The following KIAA2012 variants were observed in gnomAD, a reference collection of about 807,000 sequenced individuals.
KIAA2012 encodes the protein KIAA2012.
Under a neutral mutation model 150.6 loss-of-function variants are expected in KIAA2012, and 125 were observed. The ratio of observed to expected loss-of-function variants is 0.83; its 90% CI spans 0.72 to 0.96. KIAA2012 has a LOEUF of 0.96. KIAA2012 is among the 40% of genes least tolerant of loss of function. KIAA2012 has a pLI of 0.00. For synonymous variants in KIAA2012, 462 were observed against 504.7 expected (o/e 0.92, Z 1.13); for missense variants, 1,219 against 1,354.9 (o/e 0.90, Z 1.57).
intron 22 of KIAA2012, chr2:202,201,321 T>C (rs1047622923): frequency 1.3e-6 from 2 of 1,585,118 alleles, no homozygotes; most frequent in East Asian, 2.2e-5. Flanking sequence ...AGCAGTTACA[T>C]TGTGAGAAGT....
intron 13 of KIAA2012, among the ~76,000 whole-genome samples, chr2:202,150,636 A>T (rs1016964997): frequency 2.0e-5 from 3 of 152,028 alleles, no homozygotes; most frequent in Non-Finnish European, 4.4e-5. Flanking sequence ...TTTAGTAGAA[A>T]TGGGTTTTGC....
chr2:202,201,273 CAT>C (rs1418267492), intron 22 of KIAA2012: 32 of 1,560,674 alleles, frequency 2.1e-5, no homozygotes, highest in South Asian at 3.4e-5. Context: ...ATCCCAACAA[CAT>C]GTGTCTAAAC....
chr2:202,109,929 C>A, intron 10 of KIAA2012, 140 bp downstream of exon 10: 1 of 750,534 alleles, frequency 1.3e-6, no homozygotes, highest in Non-Finnish European at 2.1e-6. Flanking sequence ...CTGATGATGT[C>A]AGTGGGATTA....
intron 13 of KIAA2012, among the ~76,000 whole-genome samples, chr2:202,151,264 G>T (rs538941159): frequency 5.9e-5 from 9 of 152,138 alleles, no homozygotes; most frequent in African/African-American, 1.9e-4. Flanking sequence ...GGGCATGGTG[G>T]CACACACCTG....
intron 8 of KIAA2012, among the ~76,000 whole-genome samples, chr2:202,103,480 G>GA (rs994309340): frequency 6.3e-4 from 90 of 143,810 alleles, no homozygotes; most frequent in Middle Eastern, 3.5e-3. Flanking sequence ...ATTGAAATTG[G>GA]AAAAAAAAAA....
intron 1 of KIAA2012, 91 bp from the exon 2 acceptor site, chr2:202,074,800 T>TA: frequency 2.2e-6 from 3 of 1,338,574 alleles, no homozygotes; most frequent in Non-Finnish European, 2.0e-6. Flanking sequence ...AATCAGTAAC[T>TA]AAAAAAATGC....
intron 9 of KIAA2012, among the ~76,000 whole-genome samples, chr2:202,107,502 C>T (rs914962479): frequency 3.3e-5 from 5 of 152,110 alleles, no homozygotes; most frequent in Non-Finnish European, 5.9e-5. Context: ...GCTGGAGCCA[C>T]GAGATAAAGG....
chr2:202,100,382 T>C lies in KIAA2012; in HGVS notation c.1088T>C (p.Leu363Pro), dbSNP rs1366013587. ...LLQVLPAERS[L>P]FPPVASATGS... ...CAGGTGCTTCCTGCTGAAAGAAGCC[T>C]CTTCCCTCCTGTAGCATCTGCCACT... The change falls in exon 7 of 24, where the codon CTC (leucine) becomes CCC (proline). Residue 363 changes from leucine to proline, a missense_variant. Coordinates refer to ENST00000498697, the MANE Select transcript of KIAA2012 (RefSeq NM_001277372.4). The C allele has an allele frequency of 5.2e-6, 8 of 1,550,484 alleles. No homozygotes were observed. The highest frequency in any genetic ancestry group is 2.4e-5 in the East Asian group (1 of 40,938).
Position 202,194,355 on chromosome 2 carries a change from G to A in KIAA2012, c.3180G>A (p.Glu1060=), listed in dbSNP as rs1237244870. The A allele has an allele frequency of 1.3e-6, 2 of 1,549,620 alleles. No individual in the cohort carries two copies. The highest frequency in any genetic ancestry group is 2.4e-5 in the East Asian group (1 of 40,922). ...GAAAAAAGCAGCAGGAGGAAGCCGA[G>A]AGGGCCGGTGAGGGGGTTCTTGAGC... is the stretch of plus-strand genomic sequence containing the variant. ...LQRKKQQEEA[E]RAEAEKQRQE... The change falls in exon 21 of 24, where the codon GAG becomes GAA. Residue 1060 remains glutamate (E), a synonymous_variant. Transcript: ENST00000498697.
At position 202,073,356 on chromosome 2, in the gene KIAA2012, G is replaced by A. The variant is rs78574704; in HGVS notation, c.-272G>A. On this transcript the variant is annotated 5_prime_UTR_variant, in exon 1 of 24. Transcript: ENST00000498697. ...AACAAGAGCTCAGGAGAAGGGGAGA[G>A]ACAGGTCGCCCAGAGAGTAGACAAT... is the stretch of plus-strand genomic sequence containing the variant. The A allele has an allele frequency of 2.4e-3, 885 of 365,772 alleles. 5 individuals are homozygous for A. The highest frequency in any genetic ancestry group is 9.1e-3 in the Middle Eastern group (12 of 1,314). The allele number at this position is 365,772 out of a possible 1,614,324, so 22.7% of individuals were successfully genotyped here.
intron 16 of KIAA2012, 99 bp from the exon 17 acceptor site, chr2:202,186,834 G>A (rs1692237275): frequency 3.4e-6 from 4 of 1,167,136 alleles, no homozygotes; most frequent in Non-Finnish European, 4.8e-6. Context: ...CAGGCACAGT[G>A]CCTGCAGAGA....
At chr2:202,131,046 T>G (rs1259290652) in intron 12 of KIAA2012, among the ~76,000 whole-genome samples, 1 of 152,272 alleles carries the variant, frequency 6.6e-6, no homozygotes, top group African/African-American at 2.4e-5. Context: ...AGGATTTTGC[T>G]ATTGTCTTGG....
chr2:202,149,799 A>C (rs879753607), intron 13 of KIAA2012, among the ~76,000 whole-genome samples: 45 of 152,298 alleles, frequency 3.0e-4, no homozygotes, highest in Non-Finnish European at 1.5e-4. Flanking sequence ...AGACTTCCCA[A>C]AGTCTGTTTG....
intron 13 of KIAA2012, among the ~76,000 whole-genome samples, chr2:202,152,713 G>A (rs1310327879): frequency 3.3e-5 from 5 of 152,140 alleles, no homozygotes; most frequent in Admixed American, 3.3e-4. Flanking sequence ...TAAAAAAATT[G>A]GATGTGTGTT....
rs549774451 is a variant in KIAA2012 at position 202,153,998 on chromosome 2, T to C, written c.1909-675T>C. ...CCAGGTTGCAATGTGGGGCATGGGCTGGAGGGCAACTTCAGATCCAATTCT... is the reference window on the plus strand; with the variant it reads ...CCAGGTTGCAATGTGGGGCATGGGCCGGAGGGCAACTTCAGATCCAATTCT... On this transcript the variant is annotated intron_variant, in intron 13 of 23. Transcript: ENST00000498697. 1.5e-3 allele frequency among the ~76,000 whole-genome samples: 221 copies of C among 152,268 alleles called. 1 individual carries two copies. The highest frequency in any genetic ancestry group is 2.6e-3 in the Non-Finnish European group (175 of 68,012).
rs1199614 is a variant in KIAA2012 at position 202,133,022 on chromosome 2, G to A, written c.1832-5410G>A. ...CAGGAGGCTGAGGTGGAAGAATGGC[G>A]TGAACCTAGGAGGTGGAGCTTGCAG... On this transcript the variant is annotated intron_variant, in intron 12 of 23. Coordinates refer to ENST00000498697, the MANE Select transcript of KIAA2012 (RefSeq NM_001277372.4). Among the ~76,000 whole-genome samples the A allele has an allele frequency of 3.6e-4, 51 of 140,256 alleles. 1 individual carries two copies. The highest frequency in any genetic ancestry group is 9.5e-4 in the African/African-American group (36 of 37,712). 92.0% of individuals were successfully genotyped at this position (140,256 alleles called of 152,430 possible). A position where few individuals can be genotyped will look rare whatever the true frequency, so the allele number is the denominator to read the frequency against.
chr2:202,118,162 G>C (rs922709546), intron 11 of KIAA2012, among the ~76,000 whole-genome samples: 3 of 152,144 alleles, frequency 2.0e-5, no homozygotes, highest in Admixed American at 1.3e-4. Flanking sequence ...TCTCTGGATA[G>C]GAAGAAATAC....
Position 202,184,791 on chromosome 2 carries a change from G to A in KIAA2012, c.2158G>A (p.Ala720Thr). The change falls in exon 16 of 24, where the codon GCT (alanine) becomes ACT (threonine). Residue 720 changes from alanine (A) to threonine (T), a missense_variant. Transcript: ENST00000498697. The stretch of plus-strand genomic sequence containing the variant: ...GAGTATGACCCTTGACTCTCCCAGG[G>A]CTTCCCGGACTGAGCACATCCAGAC... ...PRSMTLDSPRASRTEHIQTPE... is the reference protein window; with the variant it reads ...PRSMTLDSPRTSRTEHIQTPE... The A allele has an allele frequency of 6.5e-7, 1 of 1,549,018 alleles. No homozygotes were observed. The highest frequency in any genetic ancestry group is 1.2e-5 in the South Asian group (1 of 83,868).
intron 15 of KIAA2012, among the ~76,000 whole-genome samples, chr2:202,184,416 G>A (rs1692183917): frequency 6.6e-6 from 1 of 151,360 alleles, no homozygotes; most frequent in Non-Finnish European, 1.5e-5. Context: ...GTAATAAGAA[G>A]TAAGTTGGTA....
Sources: allele counts gnomAD v4.1 joint callset (sites outside exome capture counted in the v4.1 genomes callset), GRCh38; gene constraint gnomAD v4.1.1; transcripts MANE v1.5; gene names NCBI Gene and HGNC (gene_info 2026-07-23, HGNC 2026-07-21).